Variants in LYPLAL1 observed in about 807,000 individuals in gnomAD.
The protein encoded by LYPLAL1 is lysophospholipase like 1.
Under a neutral mutation model 19.7 loss-of-function variants are expected in LYPLAL1, and 23 were observed. The ratio of observed to expected loss-of-function variants is 1.17; its 90% CI spans 0.84 to 1.65. LYPLAL1 has a LOEUF of 1.65. Among genes scored for constraint, LYPLAL1 ranks in the 40% most tolerant of loss-of-function variants. The pLI is 0.00. For missense variants in LYPLAL1, 355 were observed against 279.4 expected (o/e 1.27, Z -1.93); for synonymous variants, 119 against 96.3 (o/e 1.24, Z -1.38).
chr1:219,295,553 G>A, the LYPLAL1 span, among the ~76,000 whole-genome samples: 1 of 152,088 alleles, frequency 6.6e-6, no homozygotes, highest in African/African-American at 2.4e-5. Context: ...AGCAGAAAAT[G>A]TCTGTTCTGA....
the LYPLAL1 span, among the ~76,000 whole-genome samples, chr1:219,350,794 T>G: frequency 6.6e-6 from 1 of 152,216 alleles, no homozygotes; most frequent in South Asian, 2.1e-4. Flanking sequence ...CAAGGAACTC[T>G]GTACTTTTGT....
the LYPLAL1 span, among the ~76,000 whole-genome samples, chr1:219,405,062 C>T: frequency 6.6e-6 from 1 of 152,208 alleles, no homozygotes; most frequent in South Asian, 2.1e-4. Flanking sequence ...TAAACATTTT[C>T]TAAGCACCTA....
chr1:219,223,007 T>TCCAAAAGTGATGGTATTCCAAAAG, the LYPLAL1 span: 5 of 152,238 alleles, frequency 3.3e-5, no homozygotes, highest in South Asian at 1.0e-3. Flanking sequence ...GCTTCACCTC[T>TCCAAAAGTGATGGTATTCCAAAAG]TAATACCATC....
chr1:219,182,713 C>T (rs1469443537), intron 2 of LYPLAL1, among the ~76,000 whole-genome samples: 2 of 151,940 alleles, frequency 1.3e-5, no homozygotes, highest in African/African-American at 4.8e-5. Flanking sequence ...TTTCTTTCAC[C>T]ACTTGTAAAC....
chr1:219,412,918 C>A, the LYPLAL1 span, among the ~76,000 whole-genome samples: 211 of 152,282 alleles, frequency 1.4e-3, no homozygotes, highest in African/African-American at 4.9e-3. Flanking sequence ...TGGCTCATTA[C>A]ATTTGCTTTT....
chr1:219,263,133 C>T, the LYPLAL1 span, among the ~76,000 whole-genome samples: 1 of 152,124 alleles, frequency 6.6e-6, no homozygotes, highest in African/African-American at 2.4e-5. Flanking sequence ...AGAGGAAAAC[C>T]ATGCAGGTCA....
At chr1:219,179,901 A>AT (rs966695751) in intron 2 of LYPLAL1, among the ~76,000 whole-genome samples, 99 of 151,580 alleles carry the variant, frequency 6.5e-4, no homozygotes, top group African/African-American at 1.7e-3. Context: ...AGGGATTGGG[A>AT]TTTTTTTTTG....
the LYPLAL1 span, among the ~76,000 whole-genome samples, chr1:219,241,134 C>CTATATATATATATATA: frequency 9.2e-4 from 41 of 44,350 alleles, no homozygotes; most frequent in East Asian, 1.6e-3. Context: ...CTCTCTCTCT[C>CTATATATATATATATA]TATATATATA....
the LYPLAL1 span, among the ~76,000 whole-genome samples, chr1:219,341,684 T>C: frequency 5.3e-5 from 8 of 152,214 alleles, no homozygotes; most frequent in Middle Eastern, 3.4e-3. Context: ...AATACACTTA[T>C]CATTTTTTTC....
the LYPLAL1 span, among the ~76,000 whole-genome samples, chr1:219,264,398 GGTTA>G: frequency 6.6e-6 from 1 of 152,106 alleles, no homozygotes; most frequent in African/African-American, 2.4e-5. Flanking sequence ...AAAAATATTT[GGTTA>G]GTTATTCCTT....
At chr1:219,442,890 G>T in the LYPLAL1 span, among the ~76,000 whole-genome samples, 1 of 152,186 alleles carries the variant, frequency 6.6e-6, no homozygotes, top group Admixed American at 6.5e-5. Flanking sequence ...ATTGACTCAT[G>T]CAGAGAATGA....
At chr1:219,356,970 C>T in the LYPLAL1 span, among the ~76,000 whole-genome samples, 6 of 152,212 alleles carry the variant, frequency 3.9e-5, no homozygotes, top group African/African-American at 9.6e-5. Flanking sequence ...TTAATATCAC[C>T]GTCAATGTCA....
the LYPLAL1 span, among the ~76,000 whole-genome samples, chr1:219,311,538 T>TG: frequency 1.3e-5 from 2 of 151,722 alleles, no homozygotes; most frequent in Admixed American, 6.6e-5. Context: ...GTAGGTGTTT[T>TG]TTTTTTTTTT....
At chr1:219,229,758 A>G in the LYPLAL1 span, among the ~76,000 whole-genome samples, 1 of 152,204 alleles carries the variant, frequency 6.6e-6, no homozygotes, top group Non-Finnish European at 1.5e-5. Flanking sequence ...GAGCAGTGGG[A>G]CACTAAAGAA....
At chr1:219,407,357 C>T in the LYPLAL1 span, among the ~76,000 whole-genome samples, 2 of 152,242 alleles carry the variant, frequency 1.3e-5, no homozygotes, top group South Asian at 4.1e-4. Flanking sequence ...GAGTTAGCAC[C>T]TAATATTGTT....
the LYPLAL1 span, among the ~76,000 whole-genome samples, chr1:219,310,531 C>T: frequency 7.2e-5 from 11 of 152,198 alleles, no homozygotes; most frequent in Admixed American, 1.3e-4. Context: ...AAAATGGGAA[C>T]GCTTTGAGGA....
chr1:219,287,173 T>A, the LYPLAL1 span, among the ~76,000 whole-genome samples: 1 of 152,172 alleles, frequency 6.6e-6, no homozygotes, highest in African/African-American at 2.4e-5. Flanking sequence ...AAAACAATCC[T>A]CTTTTTATCC....
the LYPLAL1 span, among the ~76,000 whole-genome samples, chr1:219,401,819 ATT>A: frequency 6.6e-6 from 1 of 152,170 alleles, no homozygotes; most frequent in Non-Finnish European, 1.5e-5. Context: ...TTAATTTGGT[ATT>A]GTTTTTCTAG....
At chr1:219,317,500 C>T in the LYPLAL1 span, among the ~76,000 whole-genome samples, 39 of 151,774 alleles carry the variant, frequency 2.6e-4, no homozygotes, top group Non-Finnish European at 5.4e-4. Context: ...ACACAGTGTT[C>T]CCAAACAAAA....
Sources: gnomAD v4.1 joint callset for allele counts (sites outside exome capture counted in the v4.1 genomes callset) on GRCh38, gnomAD v4.1.1 for gene constraint, MANE v1.5 for transcripts, NCBI Gene and HGNC (gene_info 2026-07-23, HGNC 2026-07-21) for gene names.